The following SUMF1 variants were observed in gnomAD, a reference collection of about 807,000 sequenced individuals.
The protein encoded by SUMF1 is sulfatase modifying factor 1.
SUMF1 carries 48 observed loss-of-function variants against 47.6 expected under a neutral mutation model. The observed-to-expected ratio is 1.01, with a 90% CI of 0.80 to 1.28. SUMF1 has a LOEUF of 1.28. Ranked by LOEUF, SUMF1 falls within the 50% of genes most tolerant of loss-of-function variation. The pLI, the probability that SUMF1 is intolerant of heterozygous loss-of-function variation, is 0.00. For missense variants in SUMF1, 571 were observed against 485.4 expected, an observed-to-expected ratio of 1.18 and a Z score of -1.66; for synonymous variants, 230 against 192.1, an observed-to-expected ratio of 1.20 and a Z score of -1.63.
intron 8 of SUMF1, among the ~76,000 whole-genome samples, chr3:4,074,981 C>T (rs994122024): frequency 3.5e-4 from 53 of 152,108 alleles, no homozygotes; most frequent in Admixed American, 2.6e-4. Flanking sequence ...GGAATCCTCC[C>T]TAACTCATTT....
At chr3:4,120,941 A>G (rs998819753) in intron 8 of SUMF1, among the ~76,000 whole-genome samples, 4 of 152,202 alleles carry the variant, frequency 2.6e-5, no homozygotes, top group African/African-American at 9.7e-5. Context: ...GGGCATGAGT[A>G]TTTCACATAC....
intron 8 of SUMF1, among the ~76,000 whole-genome samples, chr3:4,354,311 G>A (rs957603309): frequency 6.6e-6 from 1 of 152,196 alleles, no homozygotes; most frequent in Non-Finnish European, 1.5e-5. Flanking sequence ...AATTAGCACT[G>A]AAGACACCAC....
intron 8 of SUMF1, among the ~76,000 whole-genome samples, chr3:4,284,191 G>A (rs1042026919): frequency 2.0e-5 from 3 of 151,852 alleles, no homozygotes; most frequent in Non-Finnish European, 4.4e-5. Flanking sequence ...GAGGCAGGCA[G>A]ATAGCTTGAG....
At chr3:4,286,596 T>G (rs923919496) in intron 8 of SUMF1, among the ~76,000 whole-genome samples, 4 of 152,168 alleles carry the variant, frequency 2.6e-5, no homozygotes, top group Non-Finnish European at 5.9e-5. Context: ...AGTCATGTTC[T>G]GTTAAAGCCC....
At position 4,436,690 on chromosome 3, in the gene SUMF1, T is replaced by C. The variant is rs78202616; in HGVS notation, c.519+12576A>G. On this transcript the variant is annotated intron_variant, in intron 3 of 8. Coordinates refer to ENST00000272902, the MANE Select transcript of SUMF1 (RefSeq NM_182760.4). Reference sequence around the variant, plus strand: ...TTAGCAATAAGCAATTGCAAAACTATTAACTGTAGCTCCACAAACACTTGC... The same window carrying C: ...TTAGCAATAAGCAATTGCAAAACTACTAACTGTAGCTCCACAAACACTTGC... Among the ~76,000 whole-genome samples, 329 of 151,818 alleles carry C rather than the reference T, an allele frequency of 2.2e-3. 2 individuals are homozygous for C. Among genetic ancestry groups the C allele is most frequent in the African/African-American group, 7.7e-3 (319 of 41,470 alleles).
At chr3:4,262,411 A>G (rs949556550) in intron 8 of SUMF1, among the ~76,000 whole-genome samples, 1 of 152,112 alleles carries the variant, frequency 6.6e-6, no homozygotes, top group Non-Finnish European at 1.5e-5. Context: ...ATATTTCTCT[A>G]TGTGCCAAAG....
intron 8 of SUMF1, among the ~76,000 whole-genome samples, chr3:4,374,421 T>C (rs898913203): frequency 6.6e-6 from 1 of 152,114 alleles, no homozygotes; most frequent in South Asian, 2.1e-4. Context: ...TTTTAAAGAA[T>C]CTACTGGGAA....
intron 8 of SUMF1, among the ~76,000 whole-genome samples, chr3:4,287,591 T>C (rs969904676): frequency 6.6e-6 from 1 of 152,236 alleles, no homozygotes; most frequent in South Asian, 2.1e-4. Flanking sequence ...TTCACAAAGA[T>C]AGGACCTCAC....
chr3:4,268,242 T>C lies in SUMF1; in HGVS notation c.1014+108088A>G, dbSNP rs534882700. 4.6e-3 allele frequency among the ~76,000 whole-genome samples: 644 copies of C among 140,604 alleles called. 4 individuals carry two copies. The highest frequency in any genetic ancestry group is 0.017 in the African/African-American group (624 of 37,186). The allele number at this position is 140,604 out of a possible 152,430, so 92.2% of individuals were successfully genotyped here. ...CACACTCTGGGGACTGTTGTGGGGT[T>C]GGGGGAGAGGGGAGGGATAGCATTG... On this transcript the variant is annotated intron_variant and NMD_transcript_variant, in intron 8 of 12. Coordinates refer to the SUMF1 transcript ENST00000448413.
At chr3:4,244,304 T>A (rs1038164174) in intron 8 of SUMF1, among the ~76,000 whole-genome samples, 2 of 152,242 alleles carry the variant, frequency 1.3e-5, no homozygotes, top group African/African-American at 4.8e-5. Flanking sequence ...GTCATTATGA[T>A]GCTAGCTAGT....
At chr3:4,304,973 G>A (rs991588388) in intron 8 of SUMF1, among the ~76,000 whole-genome samples, 5 of 151,362 alleles carry the variant, frequency 3.3e-5, no homozygotes, top group Non-Finnish European at 5.9e-5. Flanking sequence ...TCAAAGTGGT[G>A]GGGGGGGCTT....
chr3:4,187,926 G>C (rs577519825), intron 8 of SUMF1, among the ~76,000 whole-genome samples: 1 of 152,082 alleles, frequency 6.6e-6, no homozygotes, highest in Non-Finnish European at 1.5e-5. Flanking sequence ...CAATGTTACT[G>C]TTTCGTAATG....
At chr3:4,273,756 C>A (rs1433645945) in intron 8 of SUMF1, among the ~76,000 whole-genome samples, 1 of 42,804 alleles carries the variant, frequency 2.3e-5, no homozygotes, top group Non-Finnish European at 4.0e-5. Flanking sequence ...AGGGAGGATA[C>A]GGGAGGGGAG....
chr3:4,324,445 G>A (rs1033373100), intron 8 of SUMF1, among the ~76,000 whole-genome samples: 1 of 152,144 alleles, frequency 6.6e-6, no homozygotes, highest in African/African-American at 2.4e-5. Context: ...TTCTAAAGAG[G>A]ATTTCGTGAA....
chr3:4,398,776 G>C (rs866621012), intron 7 of SUMF1, among the ~76,000 whole-genome samples: 2 of 152,192 alleles, frequency 1.3e-5, no homozygotes, highest in African/African-American at 4.8e-5. Context: ...GTATGACATA[G>C]CGATTCCCAT....
At chr3:4,207,013 C>G (rs930569407) in intron 8 of SUMF1, among the ~76,000 whole-genome samples, 9 of 152,082 alleles carry the variant, frequency 5.9e-5, no homozygotes, top group Admixed American at 6.5e-5. Flanking sequence ...CTACTTACGT[C>G]TCATTAATTT....
chr3:4,104,472 T>C (rs894808070), intron 8 of SUMF1, among the ~76,000 whole-genome samples: 1 of 152,072 alleles, frequency 6.6e-6, no homozygotes, highest in African/African-American at 2.4e-5. Context: ...ACAGGTGATC[T>C]GTGGAGCCTG....
At chr3:4,212,537 A>T (rs186925827) in intron 8 of SUMF1, among the ~76,000 whole-genome samples, 32 of 152,310 alleles carry the variant, frequency 2.1e-4, no homozygotes, top group Admixed American at 4.6e-4. Flanking sequence ...CCAACAAGGG[A>T]GCAAAAATGG....
chr3:4,440,678 T>C (rs1702556648), intron 3 of SUMF1, among the ~76,000 whole-genome samples: 1 of 152,258 alleles, frequency 6.6e-6, no homozygotes, highest in South Asian at 2.1e-4. Context: ...GGAAAAAAGA[T>C]GCTTGGTAAT....
Sources: gnomAD v4.1 joint callset for allele counts (sites outside exome capture counted in the v4.1 genomes callset) on GRCh38, gnomAD v4.1.1 for gene constraint, MANE v1.5 for transcripts, NCBI Gene and HGNC (gene_info 2026-07-23, HGNC 2026-07-21) for gene names.